ULK4: variants seen among roughly 807,000 people sequenced by gnomAD.
ULK4 encodes inactive serine/threonine-protein kinase ULK4.
In ULK4, 133 loss-of-function variants were observed where a neutral mutation model predicts 160.6. That is an observed-to-expected ratio of 0.83 (90% confidence interval 0.72 to 0.96). ULK4 has a LOEUF of 0.96. Among genes scored for constraint, ULK4 ranks in the 40% least tolerant of loss-of-function variants. The probability of loss-of-function intolerance (pLI) is 0.00; values close to 1 mark genes in which losing one functional copy is unlikely to be tolerated. For synonymous variants in ULK4, 534 were observed against 539.8 expected, an observed-to-expected ratio of 0.99 and a Z score of 0.15; for missense variants, 1,580 against 1,499.5, an observed-to-expected ratio of 1.05 and a Z score of -0.89.
intron 35 of ULK4, among the ~76,000 whole-genome samples, chr3:41,340,681 G>A (rs1240242379): frequency 2.0e-5 from 3 of 152,182 alleles, no homozygotes; most frequent in Non-Finnish European, 2.9e-5. Flanking sequence ...ATAATGGACA[G>A]GACAGATATG....
intron 35 of ULK4, among the ~76,000 whole-genome samples, chr3:41,356,470 A>C (rs1383459834): frequency 6.6e-6 from 1 of 152,208 alleles, no homozygotes; most frequent in Non-Finnish European, 1.5e-5. Context: ...AAATCACAGC[A>C]TCAGGAACCA....
chr3:41,343,027 A>T (rs2080719622), intron 35 of ULK4, among the ~76,000 whole-genome samples: 1 of 152,208 alleles, frequency 6.6e-6, no homozygotes, highest in South Asian at 2.1e-4. Flanking sequence ...CATACCTCAA[A>T]ATAATAAAAG....
At position 41,715,266 on chromosome 3, in the gene ULK4, CT is replaced by C. The variant is rs2125842288; in HGVS notation, c.2604del (p.Glu869SerfsTer16). ...ATAGTTCCATAGCTGAAAAGAAACT[CT>C]TCTGTCACAACTTGAGGTCGAAATA... ...SQVFRPQVVT[E>X]EFLFSYGTIL... On this transcript the variant is annotated frameshift_variant, in exon 25 of 37. Transcript: ENST00000301831. LOFTEE classifies it high-confidence loss of function. The C allele has an allele frequency of 6.2e-7, 1 of 1,613,530 alleles. No individual in the cohort carries two copies.
intron 35 of ULK4, among the ~76,000 whole-genome samples, chr3:41,296,961 T>C (rs945568377): frequency 2.6e-5 from 4 of 151,922 alleles, no homozygotes; most frequent in African/African-American, 9.7e-5. Flanking sequence ...GTTGAGGAAA[T>C]GGAAATCAAA....
chr3:41,698,514 A>G (rs559249353), intron 27 of ULK4, among the ~76,000 whole-genome samples: 1 of 152,290 alleles, frequency 6.6e-6, no homozygotes, highest in Non-Finnish European at 1.5e-5. Context: ...TCAACCAATA[A>G]GGATAATGCA....
At chr3:41,473,807 T>C (rs368581813) in intron 32 of ULK4, among the ~76,000 whole-genome samples, 8 of 150,704 alleles carry the variant, frequency 5.3e-5, no homozygotes, top group East Asian at 1.9e-4. Context: ...CTGAAAACTA[T>C]AGAAAATTAA....
intron 2 of ULK4, 58 bp from the exon 3 acceptor site, chr3:41,938,255 T>A (rs1559663181): frequency 1.5e-6 from 2 of 1,346,372 alleles, no homozygotes; most frequent in Non-Finnish European, 2.1e-6. Flanking sequence ...TTACATCTAC[T>A]GAGAAAAACC....
At chr3:41,794,620 T>A (rs6780174) in intron 20 of ULK4, among the ~76,000 whole-genome samples, 9,490 of 116,280 alleles carry the variant, frequency 0.082, 1,080 homozygotes, top group African/African-American at 0.27. Context: ...GAGATCACAA[T>A]ACTGCACTCC....
chr3:41,705,757 AG>A, intron 25 of ULK4, among the ~76,000 whole-genome samples: 1 of 152,302 alleles, frequency 6.6e-6, no homozygotes, highest in East Asian at 1.9e-4. Context: ...GGCCTCCCAA[AG>A]AATCATTTTT....
In ULK4 at chr3:41,668,251, T is replaced by C. The variant is rs115289056; in HGVS notation, c.2979-4552A>G. Among the ~76,000 whole-genome samples, 1,036 of 152,222 alleles carry C rather than the reference T, an allele frequency of 6.8e-3. 9 individuals are homozygous for C. The highest frequency in any genetic ancestry group is 0.024 in the African/African-American group (991 of 41,522). On this transcript the variant is annotated intron_variant, in intron 29 of 36. Coordinates refer to ENST00000301831, the MANE Select transcript of ULK4 (RefSeq NM_017886.4). Reference sequence around the variant, plus strand: ...TAGGGTTTGAGGAATCTTCCTACAATGAGGAAGATTCTGCTAAATGAAAGG... The same window carrying C: ...TAGGGTTTGAGGAATCTTCCTACAACGAGGAAGATTCTGCTAAATGAAAGG...
chr3:41,618,494 T>C (rs980384548), intron 30 of ULK4, among the ~76,000 whole-genome samples: 20 of 152,200 alleles, frequency 1.3e-4, no homozygotes, highest in Non-Finnish European at 2.1e-4. Flanking sequence ...AAAAGAATTT[T>C]CAACCCAGAA....
intron 29 of ULK4, among the ~76,000 whole-genome samples, chr3:41,680,151 G>A (rs2035873083): frequency 6.6e-6 from 1 of 152,160 alleles, no homozygotes; most frequent in Non-Finnish European, 1.5e-5. Context: ...CATTAAAGAA[G>A]GGTATAATCT....
chr3:41,251,364 G>C (rs570424442), intron 35 of ULK4, among the ~76,000 whole-genome samples: 1 of 152,138 alleles, frequency 6.6e-6, no homozygotes, highest in African/African-American at 2.4e-5. Context: ...CCAGTTCTGC[G>C]TAAGACAGAG....
chr3:41,362,362 T>C (rs556546334), intron 35 of ULK4, among the ~76,000 whole-genome samples: 1 of 152,298 alleles, frequency 6.6e-6, no homozygotes, highest in South Asian at 2.1e-4. Flanking sequence ...GAGACTGACA[T>C]ATTGAAGCTA....
intron 32 of ULK4, among the ~76,000 whole-genome samples, chr3:41,549,194 C>G (rs1469878091): frequency 2.6e-5 from 4 of 151,974 alleles, no homozygotes; most frequent in Non-Finnish European, 5.9e-5. Flanking sequence ...GTAACAGATC[C>G]CAACAAAACA....
At chr3:41,844,377 G>C (rs1227201801) in intron 17 of ULK4, among the ~76,000 whole-genome samples, 2 of 152,090 alleles carry the variant, frequency 1.3e-5, no homozygotes, top group Non-Finnish European at 2.9e-5. Flanking sequence ...GCACTGCTGA[G>C]GGACCCAGCA....
chr3:41,828,805 C>A (rs917658460), intron 18 of ULK4, among the ~76,000 whole-genome samples: 6 of 152,086 alleles, frequency 3.9e-5, no homozygotes, highest in African/African-American at 1.4e-4. Context: ...CTTTAAATTT[C>A]ATATGGAACC....
At chr3:41,791,333 TTG>T (rs1317827267) in intron 20 of ULK4, among the ~76,000 whole-genome samples, 1 of 152,206 alleles carries the variant, frequency 6.6e-6, no homozygotes, top group East Asian at 1.9e-4. Flanking sequence ...TTTCACCATG[TTG>T]GCCAGGTTGG....
chr3:41,485,408 T>C (rs1445927657), intron 32 of ULK4, among the ~76,000 whole-genome samples: 1 of 152,118 alleles, frequency 6.6e-6, no homozygotes, highest in African/African-American at 2.4e-5. Flanking sequence ...CTCCCCCAAC[T>C]ACAGAAATAT....
Sources: allele counts gnomAD v4.1 joint callset (sites outside exome capture counted in the v4.1 genomes callset), GRCh38; gene constraint gnomAD v4.1.1; transcripts MANE v1.5; gene names NCBI Gene and HGNC (gene_info 2026-07-23, HGNC 2026-07-21).